E2F2: variants seen among roughly 807,000 people sequenced by gnomAD.
The protein encoded by E2F2 is transcription factor E2F2.
In E2F2, 22 loss-of-function variants were observed where a neutral mutation model predicts 42.2. The observed-to-expected ratio is 0.52, with a 90% CI of 0.37 to 0.74. The LOEUF is 0.74. Among genes scored for constraint, E2F2 ranks in the 30% least tolerant of loss-of-function variants. The pLI, the probability that E2F2 is intolerant of heterozygous loss-of-function variation, is 0.00. For missense variants in E2F2, 481 were observed against 557.8 expected (o/e 0.86, Z 1.39); for synonymous variants, 248 against 251.6 (o/e 0.99, Z 0.13).
rs1447354055 is a variant in E2F2 at position 23,508,547 on chromosome 1, G to C, written c.*1333C>G. On this transcript the variant is annotated 3_prime_UTR_variant, in exon 7 of 7. Coordinates refer to ENST00000361729, the MANE Select transcript of E2F2 (RefSeq NM_004091.4). ...ACAATGTGGGATGATCAAGCCTCTG[G>C]GGGAACAGGCTGAAGCCAAAAGACC... The C allele has an allele frequency of 1.3e-5, 2 of 152,334 alleles. No homozygotes were observed. The highest frequency in any genetic ancestry group is 1.5e-5 in the Non-Finnish European group (1 of 68,188). 9.4% of individuals were successfully genotyped at this position (152,334 alleles called of 1,614,324 possible).
At chr1:23,516,224 C>T in intron 6 of E2F2, 111 bp downstream of exon 6, 2 of 1,341,256 alleles carry the variant, frequency 1.5e-6, no homozygotes, top group Non-Finnish European at 1.9e-6. Context: ...AGGATGACTA[C>T]ATCCCCAGCT....
chr1:23,523,448 C>T (rs780394724), intron 2 of E2F2, among the ~76,000 whole-genome samples: 4 of 152,142 alleles, frequency 2.6e-5, no homozygotes, highest in Non-Finnish European at 5.9e-5. Context: ...TGAGCCACCA[C>T]GCTCAGCCTA....
Position 23,530,972 on chromosome 1 carries a change from C to T in E2F2, c.-179G>A. 1 of 700,822 alleles carries T rather than the reference C, an allele frequency of 1.4e-6. No homozygotes were observed. Among genetic ancestry groups the T allele is most frequent in the Non-Finnish European group, 2.1e-6 (1 of 475,096 alleles). The allele number at this position is 700,822 out of a possible 1,614,324, so 43.4% of individuals were successfully genotyped here. A position where few individuals can be genotyped will look rare whatever the true frequency, so the allele number is the denominator to read the frequency against. On this transcript the variant is annotated 5_prime_UTR_variant, in exon 1 of 7. Transcript: ENST00000361729. This position sits in a 1 kb window ranked among gnomAD's most constrained non-coding sequence, Gnocchi z 4.4. ...TCCTGGCCCGCGGCCGAGCAGAGAGCAGCGCTTAGAGATCGCCGCTTGGAG... is the reference window on the plus strand; with the variant it reads ...TCCTGGCCCGCGGCCGAGCAGAGAGTAGCGCTTAGAGATCGCCGCTTGGAG...
Position 23,523,795 on chromosome 1 carries a change from C to G in E2F2, c.358+588G>C, listed in dbSNP as rs981141448. Among the ~76,000 whole-genome samples, 4 of 152,028 alleles carry G rather than the reference C, an allele frequency of 2.6e-5. No individual in the cohort carries two copies. In the East Asian group the frequency reaches 7.7e-4, roughly 29 times the overall value. ...ATGGTAGAAGTAGTGCGAGACTGGCCAGGCATGGTGGCTCACGCCTGTAAT... is the reference window on the plus strand; with the variant it reads ...ATGGTAGAAGTAGTGCGAGACTGGCGAGGCATGGTGGCTCACGCCTGTAAT... On this transcript the variant is annotated intron_variant, in intron 2 of 6. Coordinates refer to ENST00000361729, the MANE Select transcript of E2F2 (RefSeq NM_004091.4).
At chr1:23,516,194 A>G in intron 6 of E2F2, 141 bp downstream of exon 6, 2 of 1,156,340 alleles carry the variant, frequency 1.7e-6, no homozygotes, top group Non-Finnish European at 2.3e-6. Flanking sequence ...AGCATTAAGT[A>G]CAATGCACAT....
chr1:23,516,304 C>A (rs372276856), intron 6 of E2F2, 31 bp downstream of exon 6: 35 of 1,454,148 alleles, frequency 2.4e-5, no homozygotes, highest in African/African-American at 1.6e-4. Context: ...TCTCTCCCCC[C>A]ACCTCCTGTC....
Position 23,509,720 on chromosome 1 carries a change from C to T in E2F2, c.*160G>A. ...CTCCTCACCCGTACCATTCATATCT[C>T]CCCACACAGCTTCTGCCGGCTGGGG... On this transcript the variant is annotated 3_prime_UTR_variant, in exon 7 of 7. Coordinates refer to ENST00000361729, the MANE Select transcript of E2F2 (RefSeq NM_004091.4). 1 of 1,364,248 alleles carries T rather than the reference C, an allele frequency of 7.3e-7. No homozygotes were observed. Among genetic ancestry groups the T allele is most frequent in the Non-Finnish European group, 9.6e-7 (1 of 1,041,230 alleles). 84.5% of individuals were successfully genotyped at this position (1,364,248 alleles called of 1,614,324 possible). A position where few individuals can be genotyped will look rare whatever the true frequency, so the allele number is the denominator to read the frequency against.
intron 3 of E2F2, 65 bp downstream of exon 3, chr1:23,521,772 G>A: frequency 6.3e-7 from 1 of 1,583,100 alleles, no homozygotes; most frequent in Non-Finnish European, 8.6e-7. Context: ...ACTGGCTATT[G>A]CCTCTGGCTC....
intron 3 of E2F2, 114 bp downstream of exon 3, chr1:23,521,723 T>G: frequency 1.3e-6 from 2 of 1,509,332 alleles, no homozygotes; most frequent in Non-Finnish European, 8.9e-7. Context: ...TTGTGCCCAT[T>G]GGATGTTGCT....
At chr1:23,515,070 C>T (rs564137940) in intron 6 of E2F2, among the ~76,000 whole-genome samples, 2 of 152,178 alleles carry the variant, frequency 1.3e-5, no homozygotes, top group Non-Finnish European at 2.9e-5. Flanking sequence ...TTCCAGCAAG[C>T]CTCTTCCATC....
chr1:23,505,592 A>T (rs1642782495), downstream of E2F2, among the ~76,000 whole-genome samples: 1 of 152,018 alleles, frequency 6.6e-6, no homozygotes, highest in Non-Finnish European at 1.5e-5. Context: ...GGCTCACTGC[A>T]ACCTCTGCCT....
At chr1:23,518,985 C>T (rs1265745016) in intron 5 of E2F2, 31 bp downstream of exon 5, 77 of 1,593,270 alleles carry the variant, frequency 4.8e-5, no homozygotes, top group Middle Eastern at 1.7e-4. Flanking sequence ...GGGTCTCAAC[C>T]CTGCTCTCCA....
At chr1:23,510,867 CACA>C (rs1642895867) in intron 6 of E2F2, among the ~76,000 whole-genome samples, 1 of 152,140 alleles carries the variant, frequency 6.6e-6, no homozygotes, top group Non-Finnish European at 1.5e-5. Context: ...GTGATGGTTA[CACA>C]ACATTATGAA....
At position 23,524,725 on chromosome 1, in the gene E2F2, C is replaced by A. The variant is rs1643220987; in HGVS notation, c.253-237G>T. Among the ~76,000 whole-genome samples, 3 of 152,202 alleles carry A rather than the reference C, an allele frequency of 2.0e-5. No homozygotes were observed. In the South Asian group the frequency reaches 6.2e-4, roughly 31 times the overall value. Reference sequence around the variant, plus strand: ...AAATAAAACTCCCATCCTCTGAGGCCCAGGCACTTGAGACCCTACCAAAGC... The same window carrying A: ...AAATAAAACTCCCATCCTCTGAGGCACAGGCACTTGAGACCCTACCAAAGC... On this transcript the variant is annotated intron_variant, in intron 1 of 6. Transcript: ENST00000361729.
chr1:23,506,799 C>T lies in E2F2; in HGVS notation c.*3081G>A, dbSNP rs1446409517. 6.6e-6 allele frequency: 1 copy of T among 152,318 alleles called. No individual in the cohort carries two copies. Among genetic ancestry groups the T allele is most frequent in the Non-Finnish European group, 1.5e-5 (1 of 68,110 alleles). The allele number at this position is 152,318 out of a possible 1,614,324, so 9.4% of individuals were successfully genotyped here. A position where few individuals can be genotyped will look rare whatever the true frequency, so the allele number is the denominator to read the frequency against. On this transcript the variant is annotated 3_prime_UTR_variant, in exon 7 of 7. Coordinates refer to ENST00000361729, the MANE Select transcript of E2F2 (RefSeq NM_004091.4). ...GCCACACAACACCTGGATGCTGGGG[C>T]ACCCAAACCCTTTCCCTAAAACTCT...
intron 1 of E2F2, among the ~76,000 whole-genome samples, chr1:23,529,481 T>TG (rs562070199): frequency 6.6e-6 from 1 of 152,118 alleles, no homozygotes; most frequent in Non-Finnish European, 1.5e-5. Flanking sequence ...TCTGGGGCAG[T>TG]GGGGGGTGGT....
chr1:23,518,977 G>T, intron 5 of E2F2, 39 bp downstream of exon 5: 1 of 1,566,782 alleles, frequency 6.4e-7, no homozygotes, highest in South Asian at 1.1e-5. Context: ...CCCTGGCAGG[G>T]TCTCAACCCT....
chr1:23,510,078 G>A lies in E2F2; in HGVS notation c.1116C>T (p.Asp372=). The part of the protein sequence containing the change: ...PPSLVPLEAT[D]SLLELPHPLL... ...GTGGGTGCGGCAGCTCCAGCAGGCT[G>A]TCAGTAGCCTCCAAGGGGACCAGGG... is the stretch of plus-strand genomic sequence containing the variant. The change falls in exon 7 of 7, where the codon GAC becomes GAT. Residue 372 remains aspartate, a synonymous_variant. Transcript: ENST00000361729. 6.2e-7 allele frequency: 1 copy of A among 1,608,770 alleles called. No homozygotes were observed. Among genetic ancestry groups the A allele is most frequent in the Non-Finnish European group, 8.5e-7 (1 of 1,178,302 alleles).
Position 23,531,175 on chromosome 1 carries a change from G to A in E2F2, c.-382C>T, listed in dbSNP as rs1165846527. The A allele has an allele frequency of 8.7e-6, 2 of 229,940 alleles. No homozygotes were observed. Among genetic ancestry groups the A allele is most frequent in the Non-Finnish European group, 1.7e-5 (2 of 118,722 alleles). The allele number at this position is 229,940 out of a possible 1,614,324, so 14.2% of individuals were successfully genotyped here. ...GACGCGATGCGCTGGGATGGGGAGG[G>A]GGGTCTCGACTGCACCGACTTCCTT... On this transcript the variant is annotated 5_prime_UTR_variant, in exon 1 of 7. Coordinates refer to ENST00000361729, the MANE Select transcript of E2F2 (RefSeq NM_004091.4).
Sources: allele counts gnomAD v4.1 joint callset (sites outside exome capture counted in the v4.1 genomes callset), GRCh38; gene constraint gnomAD v4.1.1; non-coding constraint Gnocchi (gnomAD v3.1); transcripts MANE v1.5; gene names NCBI Gene and HGNC (gene_info 2026-07-23, HGNC 2026-07-21).